Variants in ACSM1 observed in about 807,000 individuals in gnomAD.
ACSM1 encodes the protein acyl-coenzyme A synthetase ACSM1, mitochondrial.
In ACSM1, 79 loss-of-function variants were observed where a neutral mutation model predicts 75.8. The observed-to-expected ratio is 1.04, with a 90% CI of 0.87 to 1.26. The LOEUF (loss-of-function observed/expected upper bound fraction) is 1.26. ACSM1 is among the 50% of genes most tolerant of loss of function. The probability of loss-of-function intolerance (pLI) is 0.00; values close to 1 mark genes in which losing one functional copy is unlikely to be tolerated. For missense variants in ACSM1, 676 were observed against 720.1 expected (o/e 0.94, Z 0.70); for synonymous variants, 279 against 265.8 (o/e 1.05, Z -0.48).
chr16:20,631,241 T>G (rs560157487), intron 10 of ACSM1, among the ~76,000 whole-genome samples: 2 of 152,300 alleles, frequency 1.3e-5, no homozygotes, highest in Non-Finnish European at 2.9e-5. Context: ...ATGGGACTCT[T>G]CTGGAGAACC....
chr16:20,640,785 G>A (rs1031408415), intron 7 of ACSM1, among the ~76,000 whole-genome samples: 3 of 152,222 alleles, frequency 2.0e-5, no homozygotes, highest in African/African-American at 4.8e-5. Context: ...GGCAGACGGT[G>A]GATGGGTGGT....
At chr16:20,640,098 C>T (rs1478695847) in intron 8 of ACSM1, among the ~76,000 whole-genome samples, 1 of 152,196 alleles carries the variant, frequency 6.6e-6, no homozygotes, top group East Asian at 1.9e-4. Context: ...TCTCTCTGCT[C>T]ACCTGAGACA....
chr16:20,623,398 GC>G lies in ACSM1; in HGVS notation c.*87del. The G allele has an allele frequency of 1.1e-5, 12 of 1,131,668 alleles. No individual in the cohort carries two copies. The South Asian group carries it at 1.6e-4, about 15-fold the overall frequency. The allele number at this position is 1,131,668 out of a possible 1,614,324, so 70.1% of individuals were successfully genotyped here. On this transcript the variant is annotated 3_prime_UTR_variant, in exon 14 of 14. Coordinates refer to ENST00000520010, the MANE Select transcript of ACSM1 (RefSeq NM_001318890.3). The stretch of plus-strand genomic sequence containing the variant: ...ACTTTCCCAAATCAACACTCTCAAT[GC>G]CCCACCCTCGTCCTCACCATAGTGG...
At chr16:20,650,669 A>G (rs1313534348) in intron 7 of ACSM1, among the ~76,000 whole-genome samples, 4 of 100,162 alleles carry the variant, frequency 4.0e-5, no homozygotes, top group African/African-American at 2.6e-4. Context: ...CCTCTTAAGA[A>G]AAAAAAAAAA....
At chr16:20,686,461 G>A (rs1001810762) in intron 2 of ACSM1, among the ~76,000 whole-genome samples, 8 of 152,062 alleles carry the variant, frequency 5.3e-5, no homozygotes, top group Non-Finnish European at 7.4e-5. Context: ...ACACACTGGG[G>A]CCAGTCTGAC....
At position 20,637,416 on chromosome 16, in the gene ACSM1, G is replaced by C. The variant is rs954449325; in HGVS notation, c.1152C>G (p.Ile384Met). The C allele has an allele frequency of 6.2e-7, 1 of 1,613,962 alleles. No individual in the cohort carries two copies. The highest frequency in any genetic ancestry group is 8.5e-7 in the Non-Finnish European group (1 of 1,180,010). ...TGGCCTTCCCCATGAAACCCGGCTTGATCTTCATTCCCCAGTAGGTGGCAC... is the reference window on the plus strand; with the variant it reads ...TGGCCTTCCCCATGAAACCCGGCTTCATCTTCATTCCCCAGTAGGTGGCAC... ...LICATYWGMKIKPGFMGKATP... is the reference protein window; with the variant it reads ...LICATYWGMKMKPGFMGKATP... Residue 384 changes from isoleucine to methionine, a missense_variant, in exon 9 of 14, where the codon ATC (isoleucine) becomes ATG (methionine). Physicochemically the swap from Ile to Met is conservative, Grantham distance 10. Transcript: ENST00000520010.
intron 7 of ACSM1, among the ~76,000 whole-genome samples, chr16:20,651,290 CA>C (rs1370231240): frequency 6.6e-6 from 1 of 152,026 alleles, no homozygotes; most frequent in Non-Finnish European, 1.5e-5. Context: ...ATGCCTAATA[CA>C]TGTATATATT....
At chr16:20,693,947 T>G (rs1229456130) in intron 1 of ACSM1, among the ~76,000 whole-genome samples, 1 of 152,260 alleles carries the variant, frequency 6.6e-6, no homozygotes, top group Non-Finnish European at 1.5e-5. Flanking sequence ...AGTCCTGTGC[T>G]AAGATTCTTA....
chr16:20,629,821 G>A lies in ACSM1; in HGVS notation c.1300-2505C>T, dbSNP rs540510029. Among the ~76,000 whole-genome samples, 733 of 151,988 alleles carry A rather than the reference G, an allele frequency of 4.8e-3. 11 individuals carry two copies. Among genetic ancestry groups the A allele is most frequent in the African/African-American group, 0.017 (702 of 41,482 alleles). ...ATCCTGGCCAACATGGTGAAACCCC[G>A]TCTCTGCTAAAAATACAAAAATTAG... On this transcript the variant is annotated intron_variant, in intron 10 of 13. Coordinates refer to ENST00000520010, the MANE Select transcript of ACSM1 (RefSeq NM_001318890.3).
intron 10 of ACSM1, among the ~76,000 whole-genome samples, chr16:20,636,040 G>A (rs1024116664): frequency 1.3e-5 from 2 of 152,086 alleles, no homozygotes; most frequent in South Asian, 2.1e-4. Flanking sequence ...AGGAACCATC[G>A]CTCCCTTGAA....
chr16:20,666,648 A>C (rs1223314760), intron 6 of ACSM1, among the ~76,000 whole-genome samples: 1 of 152,078 alleles, frequency 6.6e-6, no homozygotes, highest in East Asian at 1.9e-4. Flanking sequence ...TATAGTACCA[A>C]AAAGGGCTTG....
At chr16:20,625,805 C>T (rs1406938319) in intron 11 of ACSM1, among the ~76,000 whole-genome samples, 1 of 152,194 alleles carries the variant, frequency 6.6e-6, no homozygotes, top group African/African-American at 2.4e-5. Context: ...GCAGCTTCCC[C>T]CAACACGAAA....
intron 4 of ACSM1, among the ~76,000 whole-genome samples, chr16:20,672,448 C>CAA (rs528742963): frequency 7.3e-3 from 158 of 21,710 alleles, no homozygotes; most frequent in African/African-American, 9.6e-3. Context: ...AACTCCATCT[C>CAA]AAAAAAAAAA....
At chr16:20,695,825 G>A (rs2079687076) in intron 1 of ACSM1, among the ~76,000 whole-genome samples, 1 of 151,922 alleles carries the variant, frequency 6.6e-6, no homozygotes, top group South Asian at 2.1e-4. Flanking sequence ...ATCTATTTCT[G>A]TATCTATATA....
chr16:20,627,142 A>G (rs1332909735), intron 11 of ACSM1, 47 bp downstream of exon 11: 18 of 1,480,612 alleles, frequency 1.2e-5, no homozygotes, highest in Non-Finnish European at 1.5e-5. Context: ...AAATTCCGTG[A>G]GGCATGTGAC....
intron 1 of ACSM1, among the ~76,000 whole-genome samples, chr16:20,696,268 T>C (rs1231840661): frequency 6.6e-6 from 1 of 152,236 alleles, no homozygotes; most frequent in Non-Finnish European, 1.5e-5. Flanking sequence ...TCTCTATCAC[T>C]ATCTCTGTCT....
chr16:20,693,825 T>C (rs2079675674), intron 1 of ACSM1, among the ~76,000 whole-genome samples: 1 of 152,236 alleles, frequency 6.6e-6, no homozygotes, highest in Non-Finnish European at 1.5e-5. Context: ...CCCAAAGTCA[T>C]GATGCAATTT....
chr16:20,635,732 C>T (rs1416902645), intron 10 of ACSM1, among the ~76,000 whole-genome samples: 2 of 151,812 alleles, frequency 1.3e-5, no homozygotes, highest in African/African-American at 4.8e-5. Flanking sequence ...CTCCGCCTCC[C>T]GGGTTTAAGT....
At chr16:20,662,406 G>A (rs2019346919) in intron 6 of ACSM1, among the ~76,000 whole-genome samples, 2 of 152,152 alleles carry the variant, frequency 1.3e-5, no homozygotes, top group Non-Finnish European at 2.9e-5. Flanking sequence ...CCACTAGAGA[G>A]GAGCAAGAAT....
Sources: gnomAD v4.1 joint callset for allele counts (sites outside exome capture counted in the v4.1 genomes callset) on GRCh38, gnomAD v4.1.1 for gene constraint, MANE v1.5 for transcripts, NCBI Gene and HGNC (gene_info 2026-07-23, HGNC 2026-07-21) for gene names.